Variants in ECE1 observed in about 807,000 individuals in gnomAD.
ECE1 encodes the protein endothelin-converting enzyme 1.
ECE1 carries 35 observed loss-of-function variants against 98.6 expected under a neutral mutation model. The observed-to-expected ratio is 0.35, with a 90% confidence interval of 0.27 to 0.47. ECE1 has a LOEUF of 0.47. Among genes scored for constraint, ECE1 ranks in the 20% least tolerant of loss-of-function variants. The probability of loss-of-function intolerance (pLI) is 1.00; values close to 1 mark genes in which losing one functional copy is unlikely to be tolerated. For synonymous variants in ECE1, 394 were observed against 407.1 expected, an observed-to-expected ratio of 0.97 and a Z score of 0.39; for missense variants, 814 against 1,025.3, an observed-to-expected ratio of 0.79 and a Z score of 2.81.
upstream of ECE1, chr1:21,290,545 C>T (rs116727148): frequency 8.4e-7 from 1 of 1,190,298 alleles, no homozygotes; most frequent in Non-Finnish European, 1.0e-6. This position sits in a 1 kb window ranked among gnomAD's most constrained non-coding sequence, Gnocchi z 7.3. Context: ...TCCGGCCTCC[C>T]GGGGAGACCC....
At chr1:21,301,687 G>A (rs1004383145) in intron 1 of ECE1, among the ~76,000 whole-genome samples, 33 of 151,686 alleles carry the variant, frequency 2.2e-4, no homozygotes, top group Non-Finnish European at 3.4e-4. Flanking sequence ...GTATGGTGGC[G>A]TGGTGGCTCA....
At chr1:21,274,845 T>A (rs558358800) in intron 3 of ECE1, among the ~76,000 whole-genome samples, 1 of 152,204 alleles carries the variant, frequency 6.6e-6, no homozygotes, top group African/African-American at 2.4e-5. Context: ...AAAAAAATTA[T>A]GGAGCCATTA....
At chr1:21,242,326 G>A (rs918825038) in intron 10 of ECE1, among the ~76,000 whole-genome samples, 2 of 152,100 alleles carry the variant, frequency 1.3e-5, no homozygotes, top group African/African-American at 2.4e-5. Flanking sequence ...ATGAACAAAC[G>A]CACACACCAC....
rs1390478893 is a variant in ECE1, at chr1:21,219,140, C to T, written c.*815G>A. The T allele has an allele frequency of 1.3e-5, 2 of 152,350 alleles. No homozygotes were observed. Among genetic ancestry groups the T allele is most frequent in the South Asian group, 2.1e-4 (1 of 4,828 alleles). 9.4% of individuals were successfully genotyped at this position (152,350 alleles called of 1,614,324 possible). On this transcript the variant is annotated 3_prime_UTR_variant, in exon 19 of 19. Coordinates refer to ENST00000374893, the MANE Select transcript of ECE1 (RefSeq NM_001397.3). The surrounding 1 kb of genome is among the most constrained non-coding windows in gnomAD (Gnocchi z 4.5). ...CAGATGGTGTTTGAGGGTCCTGACC[C>T]GACCTCATTCTGCTATAGCCATCAG...
intron 1 of ECE1, among the ~76,000 whole-genome samples, chr1:21,309,379 T>G (rs12755321): frequency 0.075 from 11,495 of 152,308 alleles, 592 homozygotes; most frequent in Middle Eastern, 0.14. Context: ...ACCTGTAAAG[T>G]GGTGAATCAC....
chr1:21,317,788 C>A (rs1375739785), intron 1 of ECE1, among the ~76,000 whole-genome samples: 1 of 152,178 alleles, frequency 6.6e-6, no homozygotes, highest in African/African-American at 2.4e-5. Context: ...TGGAGACGCA[C>A]GAGTGGGTCA....
At chr1:21,228,738 G>A (rs979868199) in intron 14 of ECE1, among the ~76,000 whole-genome samples, 12 of 151,684 alleles carry the variant, frequency 7.9e-5, no homozygotes, top group African/African-American at 2.7e-4. Flanking sequence ...GCAGTGAGCT[G>A]AGATTGAGCC....
chr1:21,237,522 T>G (rs1212008801), intron 11 of ECE1, among the ~76,000 whole-genome samples: 1 of 152,168 alleles, frequency 6.6e-6, no homozygotes, highest in Non-Finnish European at 1.5e-5. Context: ...AGCTACATAA[T>G]GAATACTATT....
rs113985551 is a variant in ECE1, at chr1:21,275,550, G to A, written c.281-2639C>T. Among the ~76,000 whole-genome samples, 1,363 of 152,238 alleles carry A rather than the reference G, an allele frequency of 9.0e-3. 16 individuals are homozygous for A. Among genetic ancestry groups the A allele is most frequent in the African/African-American group, 0.021 (861 of 41,548 alleles). On this transcript the variant is annotated intron_variant, in intron 3 of 18. Coordinates refer to ENST00000374893, the MANE Select transcript of ECE1 (RefSeq NM_001397.3). ...GCGGAGATTGCAGTGAGCCAAGATC[G>A]CGCCACTGCATTCCAGCCTGGGCGA...
chr1:21,244,338 T>A lies in ECE1; in HGVS notation c.1278+651A>T, dbSNP rs1376940922. 2.6e-5 allele frequency among the ~76,000 whole-genome samples: 4 copies of A among 152,220 alleles called. No individual in the cohort carries two copies. The South Asian group carries it at 8.3e-4, about 31-fold the overall frequency. ...AGACCCCAGCTCACCTGTCTCAGTATTCCCGTACTGGGCTTAGAGCCTGGC... is the reference window on the plus strand; with the variant it reads ...AGACCCCAGCTCACCTGTCTCAGTAATCCCGTACTGGGCTTAGAGCCTGGC... On this transcript the variant is annotated intron_variant, in intron 10 of 18. Transcript: ENST00000374893.
Position 21,340,289 on chromosome 1 carries a change from G to A in ECE1, c.3+5087C>T, listed in dbSNP as rs1376829246. On this transcript the variant is annotated intron_variant, in intron 1 of 18. Transcript: ENST00000415912. This position sits in a 1 kb window ranked among gnomAD's most constrained non-coding sequence, Gnocchi z 4.6. ...AAGGGTCAATACATTCAGGAGAAGG[G>A]GCTGTCTGGGACCTCTGTCTGGGGC... 6.6e-6 allele frequency among the ~76,000 whole-genome samples: 1 copy of A among 152,244 alleles called. No homozygotes were observed. The highest frequency in any genetic ancestry group is 2.4e-5 in the African/African-American group (1 of 41,466).
intron 3 of ECE1, 124 bp downstream of exon 3, chr1:21,279,067 G>T: frequency 1.3e-6 from 2 of 1,544,286 alleles, no homozygotes; most frequent in Non-Finnish European, 1.8e-6. Flanking sequence ...ACCCCCCTGG[G>T]CCTGGCTCCC....
intron 4 of ECE1, among the ~76,000 whole-genome samples, chr1:21,268,814 G>C (rs924900518): frequency 6.6e-6 from 1 of 152,174 alleles, no homozygotes; most frequent in Non-Finnish European, 1.5e-5. Flanking sequence ...CCACACTCCT[G>C]CATTTTTTTG....
At chr1:21,274,537 C>T (rs762064166) in intron 3 of ECE1, among the ~76,000 whole-genome samples, 11 of 152,158 alleles carry the variant, frequency 7.2e-5, no homozygotes, top group East Asian at 3.8e-4. Flanking sequence ...TGGCTGGGCA[C>T]GGGGGCTCAG....
intron 17 of ECE1, among the ~76,000 whole-genome samples, chr1:21,224,462 G>A (rs1184227202): frequency 6.6e-6 from 1 of 152,134 alleles, no homozygotes; most frequent in African/African-American, 2.4e-5. Flanking sequence ...TGGACTTTAA[G>A]CAACCTATCC....
At chr1:21,339,268 A>T (rs12750840) in intron 1 of ECE1, among the ~76,000 whole-genome samples, 1 of 152,324 alleles carries the variant, frequency 6.6e-6, no homozygotes, top group South Asian at 2.1e-4. Flanking sequence ...GCAAAGGTGA[A>T]CAATAAATAA....
intron 1 of ECE1, among the ~76,000 whole-genome samples, chr1:21,338,719 G>T (rs1639347426): frequency 6.6e-6 from 1 of 152,238 alleles, no homozygotes; most frequent in African/African-American, 2.4e-5. Context: ...GCAGAGCCTG[G>T]GCTGGAAGCC....
chr1:21,342,997 A>G (rs950109392), intron 1 of ECE1, among the ~76,000 whole-genome samples: 2 of 152,216 alleles, frequency 1.3e-5, no homozygotes, highest in African/African-American at 4.8e-5. Context: ...CAGGTGCCAG[A>G]CCAGCCCCAT....
At chr1:21,279,811 C>G (rs28367936) in intron 2 of ECE1, 6 of 740,512 alleles carry the variant, frequency 8.1e-6, no homozygotes, top group Admixed American at 1.0e-4. Context: ...CATAATCCCA[C>G]GCAAAAACAC....
Sources: allele counts gnomAD v4.1 joint callset (sites outside exome capture counted in the v4.1 genomes callset), GRCh38; gene constraint gnomAD v4.1.1; non-coding constraint Gnocchi (gnomAD v3.1); transcripts MANE v1.5; gene names NCBI Gene and HGNC (gene_info 2026-07-23, HGNC 2026-07-21).